Variants in SYNE2 observed in about 807,000 individuals in gnomAD.
SYNE2 encodes the protein nesprin-2.
A neutral mutation model predicts 856.3 loss-of-function variants in SYNE2; 431 were observed. The observed-to-expected ratio is 0.50, with a 90% CI of 0.47 to 0.55. The LOEUF is 0.55. SYNE2 is among the 20% of genes least tolerant of loss of function. The pLI, the probability that SYNE2 is intolerant of heterozygous loss-of-function variation, is 0.00. For synonymous variants in SYNE2, 2,923 were observed against 2,872.3 expected, an observed-to-expected ratio of 1.02 and a Z score of -0.56; for missense variants, 8,129 against 8,023.2, an observed-to-expected ratio of 1.01 and a Z score of -0.50.
At chr14:64,093,582 A>T (rs550790096) in intron 61 of SYNE2, 102 bp downstream of exon 61, 703 of 1,240,616 alleles carry the variant, frequency 5.7e-4, no homozygotes, top group Non-Finnish European at 7.8e-4. Context: ...CTAGTGGTGC[A>T]GTGTAACACC....
chr14:63,916,492 C>A (rs2095535047), intron 2 of SYNE2, among the ~76,000 whole-genome samples: 2 of 152,092 alleles, frequency 1.3e-5, no homozygotes, highest in African/African-American at 4.8e-5. Flanking sequence ...TATTGCCAAT[C>A]AAGTTTCTGA....
chr14:64,164,240 G>T (rs2098355759), intron 89 of SYNE2, among the ~76,000 whole-genome samples: 1 of 152,058 alleles, frequency 6.6e-6, no homozygotes, highest in Admixed American at 6.6e-5. Context: ...CTCCCGAGTA[G>T]CTGGGACTAC....
Position 63,798,519 on chromosome 14 carries a change from G to A in SYNE2, c.-305+36533G>A, listed in dbSNP as rs1888009744. 4.0e-5 allele frequency among the ~76,000 whole-genome samples: 6 copies of A among 150,690 alleles called. No individual in the cohort carries two copies. In the South Asian group the frequency reaches 1.0e-3, roughly 26 times the overall value. On this transcript the variant is annotated intron_variant, in intron 1 of 23. Transcript: ENST00000674003. ...AGCAACCCTCCTGCCTCAGCCTCTC[G>A]AGTAGCTAGTACTACAGGCATGTAC...
chr14:64,081,507 C>A lies in SYNE2; in HGVS notation c.11411C>A (p.Thr3804Asn). 6.2e-7 allele frequency: 1 copy of A among 1,614,122 alleles called. No individual in the cohort carries two copies. Among genetic ancestry groups the A allele is most frequent in the Non-Finnish European group, 8.5e-7 (1 of 1,179,976 alleles). Reference protein sequence around the residue: ...LKSTEAWIENTSHLLANPADY... With the variant: ...LKSTEAWIENNSHLLANPADY... ...AGCACTGAGGCTTGGATAGAAAATA[C>A]CAGTCATTTGCTGGCCAATCCTGCT... is the stretch of plus-strand genomic sequence containing the variant. Residue 3804 changes from threonine to asparagine, a missense_variant, in exon 57 of 116, where the codon ACC becomes AAC. Physicochemically the swap from Thr to Asn is moderately conservative, Grantham distance 65 (BLOSUM62 0). Around this residue, in one of 3 missense-constraint regions of SYNE2, gnomAD observed 5,410 missense variants for 5,284.8 expected, o/e 1.02. Coordinates refer to ENST00000555002, the MANE Select transcript of SYNE2 (RefSeq NM_182914.3).
intron 84 of SYNE2, among the ~76,000 whole-genome samples, chr14:64,150,365 G>A (rs186711276): frequency 7.7e-4 from 114 of 148,052 alleles, no homozygotes; most frequent in Non-Finnish European, 1.0e-3. Context: ...GACTGTAGGC[G>A]TGTGCCACCA....
rs1378855639 is a variant in SYNE2, at chr14:64,082,717, A to C, written c.11484+1137A>C. Among the ~76,000 whole-genome samples, 4 of 152,256 alleles carry C rather than the reference A, an allele frequency of 2.6e-5. No individual in the cohort carries two copies. The East Asian group carries it at 7.7e-4, about 29-fold the overall frequency. On this transcript the variant is annotated intron_variant, in intron 57 of 115. Coordinates refer to ENST00000555002, the MANE Select transcript of SYNE2 (RefSeq NM_182914.3). ...ATGCCTGGACTCCTTACCCTTGGAC[A>C]CTGTGAGATAACTTTGTTTTGTTTT...
Position 64,021,363 on chromosome 14 carries a change from T to C in SYNE2, c.5200T>C (p.Leu1734=). ...CAAGATGGAACATGTACAGAAGTGC[T>C]TAACAGGAGAATCCAACTGCCATGC... ...LNKMEHVQKC[L]TGESNCHALS... The change falls in exon 36 of 116, where the codon TTA becomes CTA. Residue 1734 remains leucine, a synonymous_variant. Coordinates refer to ENST00000555002, the MANE Select transcript of SYNE2 (RefSeq NM_182914.3). 6.2e-7 allele frequency: 1 copy of C among 1,614,144 alleles called. No individual in the cohort carries two copies. Among genetic ancestry groups the C allele is most frequent in the Non-Finnish European group, 8.5e-7 (1 of 1,180,008 alleles).
intron 1 of SYNE2, among the ~76,000 whole-genome samples, chr14:63,831,969 TAG>T (rs1343123462): frequency 6.6e-6 from 1 of 152,180 alleles, no homozygotes; most frequent in Non-Finnish European, 1.5e-5. Context: ...GACATTTTTA[TAG>T]ACACTGTGTT....
At chr14:64,114,178 G>T (rs971073807) in intron 66 of SYNE2, among the ~76,000 whole-genome samples, 2 of 152,162 alleles carry the variant, frequency 1.3e-5, no homozygotes, top group Non-Finnish European at 2.9e-5. Flanking sequence ...GAGGGGCAGG[G>T]ATATAAACTT....
intron 100 of SYNE2, among the ~76,000 whole-genome samples, chr14:64,206,462 T>A (rs953712366): frequency 5.9e-5 from 9 of 152,200 alleles, no homozygotes; most frequent in Admixed American, 2.6e-4. Flanking sequence ...TTATTTATTT[T>A]TTTTTTGTAC....
At chr14:63,860,645 TC>T (rs1244680133) in intron 1 of SYNE2, among the ~76,000 whole-genome samples, 1 of 152,242 alleles carries the variant, frequency 6.6e-6, no homozygotes, top group Non-Finnish European at 1.5e-5. Flanking sequence ...CTTTTAGTCT[TC>T]CTTTGGGTAC....
intron 6 of SYNE2, among the ~76,000 whole-genome samples, chr14:63,948,804 A>C (rs184470444): frequency 1.8e-5 from 2 of 110,868 alleles, no homozygotes; most frequent in African/African-American, 6.7e-5. Context: ...ATATATATAT[A>C]TATATATATA....
intron 78 of SYNE2, among the ~76,000 whole-genome samples, chr14:64,135,807 T>C (rs1030751436): frequency 6.6e-6 from 1 of 152,236 alleles, no homozygotes; most frequent in Admixed American, 6.5e-5. Context: ...ATGGACTTCA[T>C]AGGCCATTCT....
intron 65 of SYNE2, 23 bp downstream of exon 65, chr14:64,107,630 T>A (rs2097780015): frequency 1.9e-6 from 3 of 1,577,060 alleles, no homozygotes; most frequent in Non-Finnish European, 1.7e-6. Flanking sequence ...TGGTAATAAG[T>A]AAACTGCTCA....
chr14:64,025,163 C>T lies in SYNE2; in HGVS notation c.5994C>T (p.Asn1998=). Residue 1998 remains asparagine (N), a synonymous_variant, in exon 41 of 116, where the codon AAC becomes AAT. Coordinates refer to ENST00000555002, the MANE Select transcript of SYNE2 (RefSeq NM_182914.3). ...TTGAATCTGTGGCCCAATTGAACAA[C>T]TCTTTGAAGGAATATGGGTTTACTG... ...EQFESVAQLN[N]SLKEYGFTEE... is the part of the protein sequence containing the mutation. 1 of 1,614,036 alleles carries T rather than the reference C, an allele frequency of 6.2e-7. No homozygotes were observed. The highest frequency in any genetic ancestry group is 8.5e-7 in the Non-Finnish European group (1 of 1,179,988).
In SYNE2 at chr14:64,186,411, T is replaced by G. The variant is rs1321250926; in HGVS notation, c.17557-13T>G. The G allele has an allele frequency of 6.2e-7, 1 of 1,614,018 alleles. No homozygotes were observed. Among genetic ancestry groups the G allele is most frequent in the African/African-American group, 1.3e-5 (1 of 74,914 alleles). ...TTGAAGGCTTTTTACCCCCTTCTTGTGATTAAATGCAGGAACTAGAACAGT... is the reference window on the plus strand; with the variant it reads ...TTGAAGGCTTTTTACCCCCTTCTTGGGATTAAATGCAGGAACTAGAACAGT... On this transcript the variant is annotated splice_polypyrimidine_tract_variant and intron_variant, in intron 96 of 115. Coordinates refer to ENST00000555002, the MANE Select transcript of SYNE2 (RefSeq NM_182914.3).
chr14:64,073,910 A>G, intron 52 of SYNE2, 58 bp from the exon 53 acceptor site: 4 of 1,563,094 alleles, frequency 2.6e-6, no homozygotes, highest in Non-Finnish European at 3.5e-6. Context: ...AAACTGTTTC[A>G]TTTTATTCAT....
chr14:64,050,915 G>T (rs1284081568), intron 47 of SYNE2, among the ~76,000 whole-genome samples: 2 of 151,904 alleles, frequency 1.3e-5, no homozygotes, highest in East Asian at 3.9e-4. Context: ...TAGCTACTTG[G>T]GAGGCTGAGG....
chr14:64,177,198 TG>T, intron 95 of SYNE2, among the ~76,000 whole-genome samples, 159 bp from the exon 96 acceptor site: 1 of 152,218 alleles, frequency 6.6e-6, no homozygotes, highest in East Asian at 1.9e-4. Context: ...CTTCTGCTTT[TG>T]GAGACCATAG....
Sources: allele counts gnomAD v4.1 joint callset (sites outside exome capture counted in the v4.1 genomes callset), GRCh38; gene constraint gnomAD v4.1.1; regional missense constraint gnomAD v4.1.1; transcripts MANE v1.5; gene names NCBI Gene and HGNC (gene_info 2026-07-23, HGNC 2026-07-21).